RGS7: variants seen among roughly 807,000 people sequenced by gnomAD.
RGS7 encodes regulator of G protein signaling 7.
Under a neutral mutation model 81.1 loss-of-function variants are expected in RGS7, and 27 were observed. That is an observed-to-expected ratio of 0.33 (90% confidence interval 0.25 to 0.46). The LOEUF (loss-of-function observed/expected upper bound fraction) is 0.46. Ranked by LOEUF, RGS7 falls within the 20% of genes least tolerant of loss-of-function variation. The probability of loss-of-function intolerance (pLI) is 1.00; values close to 1 mark genes in which losing one functional copy is unlikely to be tolerated. For missense variants in RGS7, 396 were observed against 607.4 expected (o/e 0.65, Z 3.66); for synonymous variants, 208 against 207.7 (o/e 1.00, Z -0.01).
At chr1:240,968,018 T>C (rs1682615557) in intron 4 of RGS7, among the ~76,000 whole-genome samples, 1 of 152,078 alleles carries the variant, frequency 6.6e-6, no homozygotes, top group Admixed American at 6.5e-5. Context: ...AAACATCCAA[T>C]ATCCAAACAA....
intron 2 of RGS7, among the ~76,000 whole-genome samples, chr1:241,321,228 T>C (rs2081192636): frequency 6.6e-6 from 1 of 152,232 alleles, no homozygotes; most frequent in African/African-American, 2.4e-5. Flanking sequence ...GATTCCATTG[T>C]TGTGGACTAA....
chr1:240,843,836 T>C (rs1658560489), intron 9 of RGS7, among the ~76,000 whole-genome samples: 1 of 152,188 alleles, frequency 6.6e-6, no homozygotes, highest in South Asian at 2.1e-4. Context: ...AGACAGCCTA[T>C]CTTTTCTTTC....
chr1:240,946,679 T>C (rs2148418481), intron 4 of RGS7, among the ~76,000 whole-genome samples: 1 of 152,270 alleles, frequency 6.6e-6, no homozygotes, highest in Admixed American at 6.5e-5. Context: ...TTTAATAAAG[T>C]ACATAGTGAG....
chr1:241,114,410 T>C (rs1442423844), intron 2 of RGS7, among the ~76,000 whole-genome samples: 1 of 152,120 alleles, frequency 6.6e-6, no homozygotes, highest in Non-Finnish European at 1.5e-5. Flanking sequence ...ACACAAGTGG[T>C]GGTGGACGAT....
chr1:241,229,306 CAG>C (rs1301082705), intron 2 of RGS7, among the ~76,000 whole-genome samples: 2 of 152,180 alleles, frequency 1.3e-5, no homozygotes, highest in Non-Finnish European at 2.9e-5. Context: ...GAACACCTCT[CAG>C]AAAATGAATC....
intron 3 of RGS7, among the ~76,000 whole-genome samples, chr1:241,061,640 G>A (rs2061742977): frequency 3.3e-5 from 5 of 152,164 alleles, no homozygotes; most frequent in Non-Finnish European, 1.5e-5. Context: ...TAAGGCAGGG[G>A]AGAGTAGGGA....
intron 6 of RGS7, among the ~76,000 whole-genome samples, chr1:240,907,504 T>C (rs1299894734): frequency 1.3e-5 from 2 of 152,134 alleles, no homozygotes; most frequent in African/African-American, 2.4e-5. Context: ...TGAAGTTAGA[T>C]ATGTGTTTCC....
chr1:240,894,776 G>A (rs1281920764), intron 6 of RGS7, among the ~76,000 whole-genome samples: 1 of 151,842 alleles, frequency 6.6e-6, no homozygotes, highest in Non-Finnish European at 1.5e-5. Flanking sequence ...TTATGATACA[G>A]TGTTTTCTTG....
At chr1:241,350,683 G>A (rs1355773559) in intron 2 of RGS7, among the ~76,000 whole-genome samples, 2 of 142,772 alleles carry the variant, frequency 1.4e-5, no homozygotes, top group East Asian at 2.1e-4. Context: ...TAAAGCAGGA[G>A]GTTCACTTGA....
chr1:241,112,240 A>G (rs2065565917), intron 2 of RGS7, among the ~76,000 whole-genome samples: 1 of 152,140 alleles, frequency 6.6e-6, no homozygotes, highest in Non-Finnish European at 1.5e-5. Flanking sequence ...ATGTTACTTA[A>G]GTAATTTATT....
chr1:241,312,858 A>C (rs548594273), intron 2 of RGS7, among the ~76,000 whole-genome samples: 12 of 152,240 alleles, frequency 7.9e-5, no homozygotes, highest in Non-Finnish European at 1.6e-4. Context: ...CAGTCAGCCA[A>C]GTTGCAAACG....
chr1:241,326,849 G>A (rs139512196), intron 2 of RGS7, among the ~76,000 whole-genome samples: 3 of 150,236 alleles, frequency 2.0e-5, no homozygotes, highest in Non-Finnish European at 1.5e-5. Flanking sequence ...GGTTGAGGCT[G>A]CGGTGAGCTG....
intron 18 of RGS7, among the ~76,000 whole-genome samples, chr1:240,777,348 C>A (rs1365698066): frequency 6.6e-6 from 1 of 151,776 alleles, no homozygotes. Context: ...CATTTCATGT[C>A]TTATTTTATA....
chr1:241,265,499 G>C (rs1243427696), intron 2 of RGS7, among the ~76,000 whole-genome samples: 1 of 152,178 alleles, frequency 6.6e-6, no homozygotes, highest in African/African-American at 2.4e-5. Flanking sequence ...GGTAGCCAGA[G>C]GCAGTCTTAT....
intron 5 of RGS7, 116 bp from the exon 6 acceptor site, chr1:240,930,884 T>G: frequency 9.7e-7 from 1 of 1,027,628 alleles, no homozygotes; most frequent in Non-Finnish European, 1.5e-6. Flanking sequence ...CTATATGTTT[T>G]ATAATACAGA....
At chr1:241,341,036 G>A (rs751402254) in intron 2 of RGS7, among the ~76,000 whole-genome samples, 92 of 152,154 alleles carry the variant, frequency 6.0e-4, no homozygotes, top group Non-Finnish European at 1.2e-3. Context: ...TTTAACCATC[G>A]TTTGGAGGAC....
chr1:241,172,466 CA>C (rs2070802919), intron 2 of RGS7, among the ~76,000 whole-genome samples: 1 of 152,152 alleles, frequency 6.6e-6, no homozygotes, highest in African/African-American at 2.4e-5. Flanking sequence ...GGGCAAAGAA[CA>C]GCATGAAACA....
At chr1:241,226,451 G>T (rs1038960411) in intron 2 of RGS7, among the ~76,000 whole-genome samples, 5 of 152,156 alleles carry the variant, frequency 3.3e-5, no homozygotes, top group Non-Finnish European at 7.4e-5. Flanking sequence ...CAGTCTAAAG[G>T]ATTGGAAGTA....
intron 3 of RGS7, among the ~76,000 whole-genome samples, chr1:240,985,198 T>C (rs1685474864): frequency 6.6e-6 from 1 of 152,200 alleles, no homozygotes; most frequent in Non-Finnish European, 1.5e-5. Context: ...CCTTGACCAA[T>C]GTCGATTCCC....
Sources: allele counts gnomAD v4.1 joint callset (sites outside exome capture counted in the v4.1 genomes callset), GRCh38; gene constraint gnomAD v4.1.1; transcripts MANE v1.5; gene names NCBI Gene and HGNC (gene_info 2026-07-23, HGNC 2026-07-21).